Variants in GLP1R observed in about 807,000 individuals in gnomAD.
The protein encoded by GLP1R is glucagon-like peptide 1 receptor.
A neutral mutation model predicts 68.4 loss-of-function variants in GLP1R; 32 were observed. The observed-to-expected ratio is 0.47, with a 90% CI of 0.35 to 0.63. GLP1R has a LOEUF of 0.63. GLP1R is among the 20% of genes least tolerant of loss of function. The pLI, the probability that GLP1R is intolerant of heterozygous loss-of-function variation, is 0.00. For missense variants in GLP1R, 502 were observed against 594.9 expected, an observed-to-expected ratio of 0.84 and a Z score of 1.62; for synonymous variants, 263 against 244.4, an observed-to-expected ratio of 1.08 and a Z score of -0.71.
At chr6:39,084,338 TCA>T (rs1769089364) in intron 12 of GLP1R, among the ~76,000 whole-genome samples, 1 of 152,102 alleles carries the variant, frequency 6.6e-6, no homozygotes, top group Admixed American at 6.5e-5. Flanking sequence ...ATTACAGGGG[TCA>T]CAGCAGAGGT....
At chr6:39,072,186 T>A (rs1249925860) in intron 5 of GLP1R, among the ~76,000 whole-genome samples, 1 of 152,254 alleles carries the variant, frequency 6.6e-6, no homozygotes, top group Non-Finnish European at 1.5e-5. Context: ...TAATAACTAT[T>A]TTGTTTACTT....
At chr6:39,073,483 A>G in intron 6 of GLP1R, 127 bp from the exon 7 acceptor site, 2 of 778,040 alleles carry the variant, frequency 2.6e-6, no homozygotes, top group Non-Finnish European at 2.1e-6. Flanking sequence ...AGCCCTAGCC[A>G]GAGATGTGAG....
intron 5 of GLP1R, among the ~76,000 whole-genome samples, chr6:39,068,243 G>A (rs1364719934): frequency 6.6e-6 from 1 of 152,210 alleles, no homozygotes; most frequent in African/African-American, 2.4e-5. Context: ...CTTTGACTCA[G>A]TGTCCTGCCT....
intron 12 of GLP1R, among the ~76,000 whole-genome samples, chr6:39,081,905 G>A (rs1386373225): frequency 6.6e-6 from 1 of 152,210 alleles, no homozygotes; most frequent in East Asian, 1.9e-4. Flanking sequence ...AGGTGCGAAA[G>A]GGGAACAGAG....
Position 39,072,988 on chromosome 6 carries a change from C to A in GLP1R, c.636C>A (p.His212Gln). ...KWMYSTAAQQ[H>Q]QWDGLLSYQD... ...TGTATAGCACAGCCGCCCAGCAGCA[C>A]CAGTGGGATGGGCTCCTCTCCTACC... The change falls in exon 6 of 13, where the codon CAC becomes CAA. Residue 212 changes from histidine (H) to glutamine (Q), a missense_variant. By Grantham distance (24) the His-to-Gln change is conservative. Transcript: ENST00000373256. The A allele has an allele frequency of 6.2e-7, 1 of 1,614,106 alleles. No homozygotes were observed. The highest frequency in any genetic ancestry group is 8.5e-7 in the Non-Finnish European group (1 of 1,179,966).
At position 39,088,448 on chromosome 6, in the gene GLP1R, T is replaced by C. The variant is rs1322831146; in HGVS notation, c.*2375T>C. Among the ~76,000 whole-genome samples, 1 of 152,210 alleles carries C rather than the reference T, an allele frequency of 6.6e-6. No homozygotes were observed. The highest frequency in any genetic ancestry group is 1.9e-4 in the East Asian group (1 of 5,202). ...TTTACATGCCTGATGCCTAATGCCA[T>C]ACGCCTGGAACTTGCTGAGAACTCT... On this transcript the variant is annotated 3_prime_UTR_variant, in exon 13 of 13. Coordinates refer to ENST00000373256, the MANE Select transcript of GLP1R (RefSeq NM_002062.5).
rs143003156 is a variant in GLP1R at position 39,063,521 on chromosome 6, G to A, written c.284-2190G>A. Among the ~76,000 whole-genome samples, 934 of 152,254 alleles carry A rather than the reference G, an allele frequency of 6.1e-3. 13 individuals are homozygous for A. Among genetic ancestry groups the A allele is most frequent in the African/African-American group, 0.021 (885 of 41,534 alleles). On this transcript the variant is annotated intron_variant, in intron 3 of 12. Transcript: ENST00000373256. Reference sequence around the variant, plus strand: ...TTTTCAGGTTTTTGTTTTTCTCCCAGGTGAAGTATCTTTTAAAATGCAGGT... The same window carrying A: ...TTTTCAGGTTTTTGTTTTTCTCCCAAGTGAAGTATCTTTTAAAATGCAGGT...
Position 39,072,876 on chromosome 6 carries a change from C to T in GLP1R, c.524C>T (p.Thr175Ile), listed in dbSNP as rs748911530. The T allele has an allele frequency of 6.2e-7, 1 of 1,613,856 alleles. No individual in the cohort carries two copies. The highest frequency in any genetic ancestry group is 1.3e-5 in the African/African-American group (1 of 74,938). ...ILLGFRHLHC[T>I]RNYIHLNLFA... Reference sequence around the variant, plus strand: ...TTCTCCCTCAGACACCTGCACTGCACCAGGAACTACATCCACCTGAACCTG... The same window carrying T: ...TTCTCCCTCAGACACCTGCACTGCATCAGGAACTACATCCACCTGAACCTG... Residue 175 changes from threonine to isoleucine, a missense_variant, in exon 6 of 13, where the codon ACC becomes ATC. By Grantham distance (89) the Thr-to-Ile change is moderately conservative. Transcript: ENST00000373256.
intron 12 of GLP1R, among the ~76,000 whole-genome samples, chr6:39,081,471 C>T (rs1024684795): frequency 6.6e-6 from 1 of 152,180 alleles, no homozygotes; most frequent in Non-Finnish European, 1.5e-5. Context: ...AAAATGTCTG[C>T]AGGACAGCAG....
At chr6:39,085,867 T>G in intron 12 of GLP1R, 39 bp from the exon 13 acceptor site, 1 of 1,603,742 alleles carries the variant, frequency 6.2e-7, no homozygotes, top group Non-Finnish European at 8.5e-7. Context: ...GCCATTGGTT[T>G]GCATGATGGC....
intron 12 of GLP1R, 117 bp from the exon 13 acceptor site, chr6:39,085,789 T>C: frequency 1.1e-6 from 1 of 927,382 alleles, no homozygotes; most frequent in Non-Finnish European, 1.7e-6. Context: ...CCTTGACTTG[T>C]GTCTCTTAAT....
rs10305464 is a variant in GLP1R, at chr6:39,066,666, G to T, written c.509+363G>T. Among the ~76,000 whole-genome samples the T allele has an allele frequency of 2.2e-3, 336 of 152,290 alleles. 1 individual carries two copies. The highest frequency in any genetic ancestry group is 4.1e-3 in the Non-Finnish European group (281 of 68,028). The stretch of plus-strand genomic sequence containing the variant: ...TAATCAAGAATTCAGTATGATTTTA[G>T]AAAAGATCTTGGGGATTAGAGATCT... On this transcript the variant is annotated intron_variant, in intron 5 of 12. Coordinates refer to ENST00000373256, the MANE Select transcript of GLP1R (RefSeq NM_002062.5).
At position 39,078,353 on chromosome 6, in the gene GLP1R, C is replaced by A. The variant is rs1482296905; in HGVS notation, c.855C>A (p.Gly285=). ...GVPLLFVVPW[G]IVKYLYEDEG... ...CCCTGCTGTTTGTTGTCCCCTGGGG[C>A]ATTGTCAAGTACCTCTATGAGGACG... The change falls in exon 8 of 13, where the codon GGC becomes GGA. Residue 285 remains glycine, a synonymous_variant. Transcript: ENST00000373256. 1.2e-6 allele frequency: 2 copies of A among 1,612,726 alleles called. No individual in the cohort carries two copies. Among genetic ancestry groups the A allele is most frequent in the Non-Finnish European group, 1.7e-6 (2 of 1,178,854 alleles).
chr6:39,058,572 G>A (rs1454825642), intron 3 of GLP1R, among the ~76,000 whole-genome samples: 3 of 152,116 alleles, frequency 2.0e-5, no homozygotes, highest in Non-Finnish European at 2.9e-5. Context: ...CACCGTGGAG[G>A]ATAACAGGAG....
At chr6:39,054,821 G>A (rs912866834) in intron 1 of GLP1R, among the ~76,000 whole-genome samples, 13 of 152,226 alleles carry the variant, frequency 8.5e-5, no homozygotes, top group Non-Finnish European at 1.2e-4. Flanking sequence ...CCCTTTACCC[G>A]GAGAAGAGGG....
intron 12 of GLP1R, among the ~76,000 whole-genome samples, chr6:39,085,514 C>G (rs1035382220): frequency 6.6e-6 from 1 of 152,226 alleles, no homozygotes; most frequent in Non-Finnish European, 1.5e-5. Context: ...CTCAAGCATC[C>G]AAGCTGAAAC....
chr6:39,076,464 C>G lies in GLP1R; in HGVS notation c.824-1858C>G, dbSNP rs77015865. Reference sequence around the variant, plus strand: ...AGAGAGCTGATGAAGAATGCTGGTCCGCTGGGGGCTCCTTTGCCTCCTCCA... The same window carrying G: ...AGAGAGCTGATGAAGAATGCTGGTCGGCTGGGGGCTCCTTTGCCTCCTCCA... On this transcript the variant is annotated intron_variant, in intron 7 of 12. Transcript: ENST00000373256. Among the ~76,000 whole-genome samples, 11 of 152,244 alleles carry G rather than the reference C, an allele frequency of 7.2e-5. No individual in the cohort carries two copies. In the South Asian group the frequency reaches 8.3e-4, roughly 11 times the overall value.
intron 1 of GLP1R, among the ~76,000 whole-genome samples, chr6:39,054,622 C>G (rs1583614448): frequency 1.3e-5 from 2 of 152,192 alleles, no homozygotes; most frequent in Admixed American, 1.3e-4. Context: ...TTAACCCCTC[C>G]CCCCGCCTCT....
At chr6:39,072,744 A>C (rs1450769166) in intron 5 of GLP1R, 118 bp from the exon 6 acceptor site, 3 of 819,748 alleles carry the variant, frequency 3.7e-6, no homozygotes, top group Non-Finnish European at 4.0e-6. Context: ...AGAAGAAGAC[A>C]CACGCACAGT....
Sources: gnomAD v4.1 joint callset for allele counts (sites outside exome capture counted in the v4.1 genomes callset) on GRCh38, gnomAD v4.1.1 for gene constraint, MANE v1.5 for transcripts, NCBI Gene and HGNC (gene_info 2026-07-23, HGNC 2026-07-21) for gene names.